SH3BGRL: variants seen among roughly 807,000 people sequenced by gnomAD.
SH3BGRL encodes the protein SH3 domain binding glutamate rich protein like.
In SH3BGRL, 7 loss-of-function variants were observed where a neutral mutation model predicts 9.8. That is an observed-to-expected ratio of 0.72 (90% CI 0.41 to 1.35). The LOEUF (loss-of-function observed/expected upper bound fraction) is 1.35. SH3BGRL is among the 40% of genes most tolerant of loss of function. SH3BGRL has a pLI of 0.01. For synonymous variants in SH3BGRL, 36 were observed against 29.1 expected (o/e 1.24, Z -0.76); for missense variants, 73 against 84.4 (o/e 0.86, Z 0.53).
At chrX:81,269,473 T>C (rs1343604906) in intron 1 of SH3BGRL, among the ~76,000 whole-genome samples, 2 of 111,782 alleles carry the variant, frequency 1.8e-5, no homozygotes, top group African/African-American at 6.5e-5. Context: ...CCTTCACTTA[T>C]GAAGCTTAGT....
chrX:81,254,259 A>G (rs761277556), intron 1 of SH3BGRL, among the ~76,000 whole-genome samples: 1 of 111,766 alleles, frequency 8.9e-6, no homozygotes, highest in Non-Finnish European at 1.9e-5. Flanking sequence ...TAGTTGGTTA[A>G]CTTCTTGGAT....
intron 3 of SH3BGRL, among the ~76,000 whole-genome samples, chrX:81,287,315 A>G (rs1342797204): frequency 1.8e-5 from 2 of 112,087 alleles, no homozygotes; most frequent in Admixed American, 9.5e-5. Flanking sequence ...GCAGGAATTC[A>G]AAGGATTATT....
intron 1 of SH3BGRL, among the ~76,000 whole-genome samples, chrX:81,243,580 A>G (rs2075678533): frequency 9.0e-6 from 1 of 111,197 alleles, no homozygotes; most frequent in South Asian, 3.8e-4. Context: ...GCTTGTGGGG[A>G]TAGATACCCG....
chrX:81,294,490 A>G (rs374462368), intron 3 of SH3BGRL, among the ~76,000 whole-genome samples: 3 of 110,306 alleles, frequency 2.7e-5, no homozygotes, highest in East Asian at 5.7e-4. Flanking sequence ...GAAGTCAAAA[A>G]TTGAGGTTTG....
intron 3 of SH3BGRL, among the ~76,000 whole-genome samples, chrX:81,284,014 T>C (rs2075826315): frequency 9.1e-6 from 1 of 110,207 alleles, no homozygotes; most frequent in Non-Finnish European, 1.9e-5. Context: ...AGCTCTTCTA[T>C]ACACCAACAG....
At chrX:81,278,668 G>T (rs1403165406) in intron 3 of SH3BGRL, among the ~76,000 whole-genome samples, 1 of 111,876 alleles carries the variant, frequency 8.9e-6, no homozygotes, top group South Asian at 3.7e-4. Flanking sequence ...ATTTCTCATT[G>T]ACCTATGCAC....
At chrX:81,264,460 G>C (rs184414732) in intron 1 of SH3BGRL, among the ~76,000 whole-genome samples, 8 of 111,676 alleles carry the variant, frequency 7.2e-5, no homozygotes, top group Admixed American at 6.7e-4. Flanking sequence ...CACTTAACAA[G>C]CACTCAACAA....
chrX:81,270,676 C>T (rs1203023153), intron 1 of SH3BGRL, among the ~76,000 whole-genome samples: 1 of 111,990 alleles, frequency 8.9e-6, no homozygotes, highest in Non-Finnish European at 1.9e-5. Flanking sequence ...TCAGGCTACA[C>T]GGGGGTCAGG....
At chrX:81,221,865 T>G (rs1013524871) in intron 1 of SH3BGRL, among the ~76,000 whole-genome samples, 5 of 112,179 alleles carry the variant, frequency 4.5e-5, no homozygotes, top group Admixed American at 2.8e-4. Flanking sequence ...CCTTCTCCAT[T>G]GTATAGAAAT....
chrX:81,279,083 A>G (rs927173178), intron 3 of SH3BGRL, among the ~76,000 whole-genome samples: 1 of 112,014 alleles, frequency 8.9e-6, no homozygotes, highest in Admixed American at 9.4e-5. Context: ...CTGTCATTTT[A>G]TGTTTTGCTC....
At chrX:81,285,866 CA>C (rs1321165293) in intron 3 of SH3BGRL, among the ~76,000 whole-genome samples, 2 of 110,939 alleles carry the variant, frequency 1.8e-5, no homozygotes, top group African/African-American at 6.5e-5. Context: ...ATGGATAGGA[CA>C]AAAAAAGAAA....
intron 1 of SH3BGRL, among the ~76,000 whole-genome samples, chrX:81,222,742 C>T (rs1022716859): frequency 2.7e-5 from 3 of 111,376 alleles, no homozygotes; most frequent in Non-Finnish European, 3.8e-5. Context: ...CCTGAGGAAT[C>T]GCCACACTGA....
chrX:81,223,635 A>G lies in SH3BGRL; in HGVS notation c.45+21390A>G, dbSNP rs1041521995. Among the ~76,000 whole-genome samples the G allele has an allele frequency of 6.9e-4, 77 of 111,071 alleles. No individual in the cohort carries two copies. The Admixed American group carries it at 7.4e-3, about 11-fold the overall frequency. Reference sequence around the variant, plus strand: ...CAGTACAGTGTAAGATCATGTGATAAGGGGAATATTCCTATATGAAACTCA... The same window carrying G: ...CAGTACAGTGTAAGATCATGTGATAGGGGGAATATTCCTATATGAAACTCA... On this transcript the variant is annotated intron_variant, in intron 1 of 3. Transcript: ENST00000373212.
At chrX:81,243,759 C>A (rs1233368273) in intron 1 of SH3BGRL, among the ~76,000 whole-genome samples, 1 of 110,860 alleles carries the variant, frequency 9.0e-6, no homozygotes, top group Non-Finnish European at 1.9e-5. Context: ...TTATACAAGT[C>A]TTTTACATAT....
At chrX:81,233,829 T>A (rs781146871) in intron 1 of SH3BGRL, among the ~76,000 whole-genome samples, 2 of 111,900 alleles carry the variant, frequency 1.8e-5, no homozygotes, top group South Asian at 7.4e-4. Flanking sequence ...AGTTTCATTG[T>A]TCGACTAAGA....
intron 3 of SH3BGRL, among the ~76,000 whole-genome samples, chrX:81,286,499 A>AG (rs2075834555): frequency 7.1e-5 from 1 of 14,009 alleles, no homozygotes; most frequent in African/African-American, 1.8e-4. Context: ...GCTACTAGGC[A>AG]AAAAAAAAAA....
At chrX:81,214,348 C>G (rs931366761) in intron 1 of SH3BGRL, among the ~76,000 whole-genome samples, 3 of 110,959 alleles carry the variant, frequency 2.7e-5, no homozygotes, top group Admixed American at 9.6e-5. Flanking sequence ...TAATATTTGA[C>G]TAGTTTGGTG....
intron 1 of SH3BGRL, among the ~76,000 whole-genome samples, chrX:81,215,173 C>T (rs769589198): frequency 1.6e-4 from 17 of 109,259 alleles, no homozygotes; most frequent in South Asian, 4.0e-4. Flanking sequence ...TATGGAGCTC[C>T]GGTTCCATAA....
At chrX:81,281,943 T>G (rs1466836561) in intron 3 of SH3BGRL, among the ~76,000 whole-genome samples, 1 of 111,618 alleles carries the variant, frequency 9.0e-6, no homozygotes, top group Non-Finnish European at 1.9e-5. Context: ...TTCAGGAGAC[T>G]CACCTAACAC....
Sources: allele counts gnomAD v4.1 joint callset (sites outside exome capture counted in the v4.1 genomes callset), GRCh38; gene constraint gnomAD v4.1.1; transcripts MANE v1.5; gene names NCBI Gene and HGNC (gene_info 2026-07-23, HGNC 2026-07-21).